Variants in GTPBP1 observed in about 807,000 individuals in gnomAD.
The protein encoded by GTPBP1 is GTP binding protein 1.
A neutral mutation model predicts 62.0 loss-of-function variants in GTPBP1; 23 were observed. The observed-to-expected ratio is 0.37, with a 90% confidence interval of 0.27 to 0.53. The LOEUF (loss-of-function observed/expected upper bound fraction) is 0.53, where lower values mean the gene tolerates loss of function less well. Ranked by LOEUF, GTPBP1 falls within the 20% of genes least tolerant of loss-of-function variation. The probability of loss-of-function intolerance (pLI) is 0.89; values close to 1 mark genes in which losing one functional copy is unlikely to be tolerated. For missense variants in GTPBP1, 640 were observed against 917.3 expected (o/e 0.70, Z 3.90); for synonymous variants, 344 against 364.4 (o/e 0.94, Z 0.64).
downstream of GTPBP1, chr22:38,739,999 G>T: frequency 1.3e-6 from 2 of 1,565,806 alleles, no homozygotes; most frequent in South Asian, 1.1e-5. This position sits in a 1 kb window ranked among gnomAD's most constrained non-coding sequence, Gnocchi z 6.7. Flanking sequence ...AGCAGGAGCT[G>T]CTATGACAGG....
intron 4 of GTPBP1, among the ~76,000 whole-genome samples, chr22:38,719,695 A>G (rs1268965773): frequency 6.6e-6 from 1 of 151,816 alleles, no homozygotes; most frequent in Non-Finnish European, 1.5e-5. Context: ...CAAAGTCACA[A>G]TGTAGACATT....
intron 2 of GTPBP1, among the ~76,000 whole-genome samples, chr22:38,711,773 G>T (rs1037895546): frequency 3.3e-5 from 5 of 152,070 alleles, no homozygotes; most frequent in African/African-American, 9.7e-5. Flanking sequence ...AACCCCGGAG[G>T]TGGAGGTTGC....
chr22:38,739,740 C>T, downstream of GTPBP1: 1 of 1,613,666 alleles, frequency 6.2e-7, no homozygotes, highest in Non-Finnish European at 8.5e-7. This position sits in a 1 kb window ranked among gnomAD's most constrained non-coding sequence, Gnocchi z 6.7. Context: ...TCACTCCAAT[C>T]ACACCTTCTT....
At chr22:38,736,986 G>A (rs988710440), downstream of GTPBP1, among the ~76,000 whole-genome samples, 3 of 152,170 alleles carry the variant, frequency 2.0e-5, no homozygotes, top group Non-Finnish European at 4.4e-5. Context: ...TGGGACCACA[G>A]GTGCATGTCA....
intron 6 of GTPBP1, 187 bp from the exon 7 acceptor site, chr22:38,725,819 C>G (rs2092723722): frequency 3.3e-6 from 2 of 615,094 alleles, no homozygotes; most frequent in Middle Eastern, 4.2e-4. Flanking sequence ...CAGAGTAGGG[C>G]TGGCCAGGAG....
intron 2 of GTPBP1, among the ~76,000 whole-genome samples, chr22:38,712,418 G>GA (rs1162930183): frequency 6.6e-6 from 1 of 152,206 alleles, no homozygotes; most frequent in Non-Finnish European, 1.5e-5. Flanking sequence ...AGGCTGGGCA[G>GA]AGGAAGGCAG....
intron 1 of GTPBP1, 95 bp downstream of exon 1, chr22:38,706,242 C>A: frequency 1.3e-6 from 1 of 795,792 alleles, no homozygotes; most frequent in Non-Finnish European, 1.7e-6. Context: ...GCCCTGTCCG[C>A]GGGGAGCGCG....
Position 38,716,335 on chromosome 22 carries a change from T to C in GTPBP1, c.485+248T>C. On this transcript the variant is annotated intron_variant, in intron 3 of 11. Coordinates refer to ENST00000216044, the MANE Select transcript of GTPBP1 (RefSeq NM_004286.5). This position sits in a 1 kb window ranked among gnomAD's most constrained non-coding sequence, Gnocchi z 5.2. ...GGGTGTGTTTCTTTTCCCTTCAGCC[T>C]GTGAGCCTGGAAACCAGGGTCATGG... 1.7e-6 allele frequency: 1 copy of C among 584,770 alleles called. No homozygotes were observed. Among genetic ancestry groups the C allele is most frequent in the Non-Finnish European group, 3.0e-6 (1 of 329,896 alleles). 36.2% of individuals were successfully genotyped at this position (584,770 alleles called of 1,614,324 possible).
Position 38,730,854 on chromosome 22 carries a change from G to A in GTPBP1, c.*150G>A, listed in dbSNP as rs1260700455. ...CATTGCCCCCACCCCCATTTTCCAGGGGGGTTGTAATTTATAAGCTGACGA... is the reference window on the plus strand; with the variant it reads ...CATTGCCCCCACCCCCATTTTCCAGAGGGGTTGTAATTTATAAGCTGACGA... On this transcript the variant is annotated 3_prime_UTR_variant, in exon 12 of 12. Coordinates refer to ENST00000216044, the MANE Select transcript of GTPBP1 (RefSeq NM_004286.5). This position sits in a 1 kb window ranked among gnomAD's most constrained non-coding sequence, Gnocchi z 5.6. 2 of 562,948 alleles carry A rather than the reference G, an allele frequency of 3.6e-6. No homozygotes were observed. The allele number at this position is 562,948 out of a possible 1,614,324, so 34.9% of individuals were successfully genotyped here. A position where few individuals can be genotyped will look rare whatever the true frequency, so the allele number is the denominator to read the frequency against.
downstream of GTPBP1, chr22:38,739,053 G>A (rs2092831971): frequency 6.8e-7 from 1 of 1,481,472 alleles, no homozygotes; most frequent in African/African-American, 1.4e-5. The surrounding 1 kb of genome is among the most constrained non-coding windows in gnomAD (Gnocchi z 6.7). Context: ...CAGGCCATTG[G>A]CTGTCTCCTC....
At chr22:38,738,719 C>T, downstream of GTPBP1, 1 of 1,613,640 alleles carries the variant, frequency 6.2e-7, no homozygotes, top group Non-Finnish European at 8.5e-7. The surrounding 1 kb of genome is among the most constrained non-coding windows in gnomAD (Gnocchi z 6.6). Context: ...CTTGTGGCCC[C>T]TGGAAGGCCC....
intron 1 of GTPBP1, chr22:38,706,557 C>A: frequency 1.2e-5 from 2 of 166,216 alleles, no homozygotes; most frequent in South Asian, 3.2e-4. Context: ...CTGGACCGCG[C>A]GGGACAGCAG....
At chr22:38,735,750 T>A (rs2092799554), downstream of GTPBP1, 1 of 161,136 alleles carries the variant, frequency 6.2e-6, no homozygotes, top group East Asian at 1.9e-4. Context: ...GCACTAACCT[T>A]GTAGGAGAGC....
rs1279403204 is a variant in GTPBP1 at position 38,728,274 on chromosome 22, A to G, written c.1716+113A>G. The stretch of plus-strand genomic sequence containing the variant: ...TCACTGCCATGGGAGAGCTGGACCC[A>G]CTGAGGTGTGGCCTCGGTGCCATCT... On this transcript the variant is annotated intron_variant, in intron 10 of 11. Coordinates refer to ENST00000216044, the MANE Select transcript of GTPBP1 (RefSeq NM_004286.5). The G allele has an allele frequency of 6.6e-6, 5 of 756,774 alleles. No homozygotes were observed. In the African/African-American group the frequency reaches 6.9e-5, roughly 10 times the overall value. 46.9% of individuals were successfully genotyped at this position (756,774 alleles called of 1,614,324 possible).
chr22:38,739,007 G>T (rs2092831394), downstream of GTPBP1: 3 of 1,597,138 alleles, frequency 1.9e-6, no homozygotes, highest in African/African-American at 4.0e-5. This position sits in a 1 kb window ranked among gnomAD's most constrained non-coding sequence, Gnocchi z 6.7. Context: ...GGAGAGGAAG[G>T]CAGGGTGGGC....
At chr22:38,739,181 T>A, downstream of GTPBP1, 1 of 926,928 alleles carries the variant, frequency 1.1e-6, no homozygotes, top group East Asian at 2.6e-5. This position sits in a 1 kb window ranked among gnomAD's most constrained non-coding sequence, Gnocchi z 6.7. Context: ...CGTCCTGACT[T>A]CCCTGAATTG....
At chr22:38,724,502 A>G in intron 6 of GTPBP1, 91 bp downstream of exon 6, 2 of 741,728 alleles carry the variant, frequency 2.7e-6, no homozygotes, top group Admixed American at 1.9e-5. Context: ...CAGTTTGGGC[A>G]TAAGGTCTCA....
downstream of GTPBP1, among the ~76,000 whole-genome samples, chr22:38,737,418 T>C (rs139117890): frequency 2.0e-4 from 31 of 152,302 alleles, 1 homozygote; most frequent in East Asian, 5.8e-3. This position sits in a 1 kb window ranked among gnomAD's most constrained non-coding sequence, Gnocchi z 4.1. Context: ...TATCCTGTTC[T>C]GGCTGCTTTC....
intron 1 of GTPBP1, chr22:38,706,421 C>T (rs2092604918): frequency 3.4e-6 from 1 of 291,998 alleles, no homozygotes; most frequent in East Asian, 5.6e-5. Context: ...CCCCTCGGCT[C>T]TGCCACGTGG....
Sources: gnomAD v4.1 joint callset for allele counts (sites outside exome capture counted in the v4.1 genomes callset) on GRCh38, gnomAD v4.1.1 for gene constraint, Gnocchi (gnomAD v3.1) non-coding constraint, MANE v1.5 for transcripts, NCBI Gene and HGNC (gene_info 2026-07-23, HGNC 2026-07-21) for gene names.